TXNRD1: variants seen among roughly 807,000 people sequenced by gnomAD.
TXNRD1 encodes thioredoxin reductase 1, cytoplasmic.
TXNRD1 carries 57 observed loss-of-function variants against 80.3 expected under a neutral mutation model. That is an observed-to-expected ratio of 0.71 (90% confidence interval 0.57 to 0.89). The LOEUF is 0.89. Among genes scored for constraint, TXNRD1 ranks in the 40% least tolerant of loss-of-function variants. TXNRD1 has a pLI of 0.00. For synonymous variants in TXNRD1, 291 were observed against 285.2 expected (o/e 1.02, Z -0.20); for missense variants, 730 against 803.0 (o/e 0.91, Z 1.10).
At chr12:104,251,801 C>T in intron 2 of TXNRD1, 123 bp downstream of exon 2, 2 of 1,100,202 alleles carry the variant, frequency 1.8e-6, no homozygotes, top group Non-Finnish European at 2.6e-6. Flanking sequence ...CGCGGTGGCT[C>T]ACACCTGTAA....
intron 3 of TXNRD1, chr12:104,284,270 C>T (rs1042149693): frequency 6.6e-6 from 1 of 152,116 alleles, no homozygotes; most frequent in African/African-American, 2.4e-5. Context: ...TCTGTGTTTC[C>T]TTCAGCAATG....
At chr12:104,224,067 C>T (rs17035324) in intron 1 of TXNRD1, among the ~76,000 whole-genome samples, 5,130 of 152,254 alleles carry the variant, frequency 0.034, 167 homozygotes, top group East Asian at 0.11. Flanking sequence ...GGATGAAGGA[C>T]GTGTGACAAG....
chr12:104,225,024 A>G, intron 1 of TXNRD1: 1 of 383,658 alleles, frequency 2.6e-6, no homozygotes, highest in Non-Finnish European at 5.1e-6. Context: ...GATAACACCA[A>G]AGTAGTCTTG....
Position 104,346,248 on chromosome 12 carries a change from AG to A in TXNRD1, c.1882-2104del, listed in dbSNP as rs568165036. On this transcript the variant is annotated intron_variant, in intron 16 of 16. Transcript: ENST00000525566. ...GGCTGGTCTCAAACTCCTGGGCTCA[AG>A]CAATCCTCCCGCCTTGGCTTCCCAA... The A allele has an allele frequency of 3.1e-5, 6 of 196,178 alleles. No individual in the cohort carries two copies. In the South Asian group the frequency reaches 5.1e-4, roughly 17 times the overall value. 12.2% of individuals were successfully genotyped at this position (196,178 alleles called of 1,614,324 possible).
At chr12:104,249,825 C>G (rs1322457446) in intron 1 of TXNRD1, among the ~76,000 whole-genome samples, 1 of 151,256 alleles carries the variant, frequency 6.6e-6, no homozygotes, top group Non-Finnish European at 1.5e-5. Flanking sequence ...GTCCCAGCTA[C>G]TCGCGAGGCT....
chr12:104,223,365 T>C (rs973746530), intron 1 of TXNRD1, among the ~76,000 whole-genome samples: 6 of 152,216 alleles, frequency 3.9e-5, no homozygotes, highest in African/African-American at 1.2e-4. Context: ...CACAAGGCTC[T>C]TGGTCATCAA....
At chr12:104,302,563 C>T (rs1264226086) in intron 4 of TXNRD1, among the ~76,000 whole-genome samples, 1 of 144,452 alleles carries the variant, frequency 6.9e-6, no homozygotes, top group African/African-American at 2.6e-5. Flanking sequence ...GATCTCGGCT[C>T]ACTGCAAACT....
At chr12:104,274,490 GT>G (rs1489401774) in intron 3 of TXNRD1, among the ~76,000 whole-genome samples, 2 of 152,002 alleles carry the variant, frequency 1.3e-5, no homozygotes, top group Admixed American at 1.3e-4. Flanking sequence ...GAGTTCAGGA[GT>G]TCGAGAACAG....
At chr12:104,291,102 G>T in intron 4 of TXNRD1, 1 of 654,176 alleles carries the variant, frequency 1.5e-6, no homozygotes, top group South Asian at 1.6e-5. Context: ...GACATTTAGT[G>T]AGGTATAGTG....
At position 104,265,560 on chromosome 12, in the gene TXNRD1, T is replaced by C; in HGVS notation, c.304+7481T>C. The C allele has an allele frequency of 2.5e-6, 4 of 1,608,774 alleles. No homozygotes were observed. In the South Asian group the frequency reaches 3.3e-5, roughly 13 times the overall value. On this transcript the variant is annotated intron_variant, in intron 3 of 16. Coordinates refer to ENST00000525566, the MANE Select transcript of TXNRD1 (RefSeq NM_001093771.3). Reference sequence around the variant, plus strand: ...AGAACTTCAGGATCTGGCTGCGCTATGACTCCCGGAGCGGCACCCACAACA... The same window carrying C: ...AGAACTTCAGGATCTGGCTGCGCTACGACTCCCGGAGCGGCACCCACAACA...
intron 4 of TXNRD1, chr12:104,304,722 C>G: frequency 6.2e-7 from 1 of 1,613,536 alleles, no homozygotes; most frequent in Non-Finnish European, 8.5e-7. Flanking sequence ...TTTTATGTTT[C>G]TTTTATTGTA....
intron 3 of TXNRD1, among the ~76,000 whole-genome samples, chr12:104,263,628 G>GTAA (rs1473229215): frequency 6.6e-6 from 1 of 152,186 alleles, no homozygotes; most frequent in Non-Finnish European, 1.5e-5. Context: ...CAACATCAGT[G>GTAA]TAATCATCTT....
chr12:104,296,525 C>T (rs910337377), intron 4 of TXNRD1, among the ~76,000 whole-genome samples: 4 of 152,248 alleles, frequency 2.6e-5, no homozygotes, highest in Admixed American at 6.5e-5. Context: ...CCTCTTGCCT[C>T]AGCCGCCTGA....
chr12:104,283,806 G>A lies in TXNRD1; in HGVS notation c.305-5125G>A, dbSNP rs567353524. 2.0e-5 allele frequency among the ~76,000 whole-genome samples: 3 copies of A among 152,200 alleles called. No individual in the cohort carries two copies. The East Asian group carries it at 5.9e-4, about 30-fold the overall frequency. On this transcript the variant is annotated intron_variant, in intron 3 of 16. Coordinates refer to ENST00000525566, the MANE Select transcript of TXNRD1 (RefSeq NM_001093771.3). ...AATCACTGGAACCTGAGAGGCGGAG[G>A]CTGCGGTGAGCCGAGATAGTGCCAT...
At chr12:104,300,911 G>A (rs143054255) in intron 4 of TXNRD1, among the ~76,000 whole-genome samples, 45 of 152,314 alleles carry the variant, frequency 3.0e-4, no homozygotes, top group African/African-American at 1.1e-3. Context: ...CTCCCAAAGT[G>A]CTGGGATTAC....
chr12:104,242,603 C>T (rs977622528), intron 1 of TXNRD1, among the ~76,000 whole-genome samples: 13 of 151,844 alleles, frequency 8.6e-5, no homozygotes, highest in African/African-American at 2.9e-4. Context: ...ATCTTATTAA[C>T]AGCATCAATA....
chr12:104,320,665 T>A (rs1431278038), intron 9 of TXNRD1, among the ~76,000 whole-genome samples: 1 of 151,960 alleles, frequency 6.6e-6, no homozygotes, highest in Non-Finnish European at 1.5e-5. Context: ...TTTTTCTGCA[T>A]CCTAGTCCAC....
At chr12:104,274,157 G>A (rs2033709465) in intron 3 of TXNRD1, among the ~76,000 whole-genome samples, 1 of 152,144 alleles carries the variant, frequency 6.6e-6, no homozygotes, top group Non-Finnish European at 1.5e-5. Context: ...TCTTTGGGGT[G>A]GAGAAATTGG....
chr12:104,236,514 G>A (rs375059512), intron 1 of TXNRD1, among the ~76,000 whole-genome samples: 7 of 152,264 alleles, frequency 4.6e-5, no homozygotes, highest in African/African-American at 9.6e-5. Flanking sequence ...AAAAGTTCAG[G>A]CATGGTGGCT....
Sources: allele counts gnomAD v4.1 joint callset (sites outside exome capture counted in the v4.1 genomes callset), GRCh38; gene constraint gnomAD v4.1.1; transcripts MANE v1.5; gene names NCBI Gene and HGNC (gene_info 2026-07-23, HGNC 2026-07-21).